The following SCFD2 variants were observed in gnomAD, a reference collection of about 807,000 sequenced individuals.
SCFD2 encodes sec1 family domain containing 2, also known as sec1 family domain-containing protein 2.
Under a neutral mutation model 58.9 loss-of-function variants are expected in SCFD2, and 54 were observed. That is an observed-to-expected ratio of 0.92 (90% CI 0.74 to 1.15). The LOEUF is 1.15. SCFD2 is among the 50% of genes most tolerant of loss of function. The pLI, the probability that SCFD2 is intolerant of heterozygous loss-of-function variation, is 0.00. For synonymous variants in SCFD2, 321 were observed against 335.9 expected (o/e 0.96, Z 0.49); for missense variants, 805 against 836.6 (o/e 0.96, Z 0.47).
Position 53,343,638 on chromosome 4 carries a change from T to C in SCFD2, c.1007+8960A>G, listed in dbSNP as rs999526356. 4.5e-4 allele frequency among the ~76,000 whole-genome samples: 68 copies of C among 152,166 alleles called. 1 individual carries two copies. The highest frequency in any genetic ancestry group is 3.9e-4 in the Admixed American group (6 of 15,274). On this transcript the variant is annotated intron_variant, in intron 2 of 8. Coordinates refer to ENST00000401642, the MANE Select transcript of SCFD2 (RefSeq NM_152540.4). ...ATCATCCTGATATTAAAGCCGGGCA[T>C]AGACACAACCAAAAAAGAGAATTTT... is the stretch of plus-strand genomic sequence containing the variant.
chr4:53,253,937 T>A (rs1319689041), intron 4 of SCFD2, among the ~76,000 whole-genome samples: 2 of 151,740 alleles, frequency 1.3e-5, no homozygotes, highest in Non-Finnish European at 2.9e-5. Context: ...ATCATGTCCT[T>A]TGCAGGAACA....
chr4:52,894,021 C>T (rs914136313), intron 7 of SCFD2, among the ~76,000 whole-genome samples: 2 of 152,276 alleles, frequency 1.3e-5, no homozygotes, highest in South Asian at 4.1e-4. Context: ...CCCCTCACCA[C>T]CAGCAGCTTT....
At chr4:52,947,092 C>T (rs2109522918) in intron 5 of SCFD2, among the ~76,000 whole-genome samples, 1 of 152,252 alleles carries the variant, frequency 6.6e-6, no homozygotes, top group East Asian at 1.9e-4. Context: ...AGGCTTTCTT[C>T]TCCCTAATTA....
At chr4:53,020,689 G>T (rs1203735617) in intron 5 of SCFD2, among the ~76,000 whole-genome samples, 1 of 152,116 alleles carries the variant, frequency 6.6e-6, no homozygotes, top group East Asian at 1.9e-4. Flanking sequence ...AGCCTCCCCT[G>T]CAAATAGGAA....
At chr4:52,907,203 GA>G (rs1471576110) in intron 7 of SCFD2, among the ~76,000 whole-genome samples, 1 of 152,204 alleles carries the variant, frequency 6.6e-6, no homozygotes, top group Non-Finnish European at 1.5e-5. Context: ...GTCCCAGAGA[GA>G]TTGTGTCCTC....
chr4:53,274,448 A>T (rs1373883561), intron 3 of SCFD2, among the ~76,000 whole-genome samples: 2 of 152,204 alleles, frequency 1.3e-5, no homozygotes, highest in Non-Finnish European at 2.9e-5. Context: ...ATTATTTCTC[A>T]TCTAAAACTT....
At chr4:53,291,883 G>C (rs1253272412) in intron 3 of SCFD2, among the ~76,000 whole-genome samples, 1 of 152,038 alleles carries the variant, frequency 6.6e-6, no homozygotes, top group Non-Finnish European at 1.5e-5. Context: ...ATGGGGAAAG[G>C]ATTCATATTT....
chr4:53,247,885 A>AT (rs1392540514), intron 4 of SCFD2, among the ~76,000 whole-genome samples: 1 of 150,744 alleles, frequency 6.6e-6, no homozygotes, highest in Admixed American at 6.6e-5. Context: ...AAAAAAAAAA[A>AT]AAAAAAAATA....
intron 4 of SCFD2, among the ~76,000 whole-genome samples, chr4:53,261,470 A>C (rs758063431): frequency 6.6e-6 from 1 of 152,052 alleles, no homozygotes; most frequent in Non-Finnish European, 1.5e-5. Context: ...TCTTGATTTC[A>C]TTGTTGACCC....
intron 4 of SCFD2, among the ~76,000 whole-genome samples, chr4:53,223,580 T>G (rs1729111977): frequency 1.3e-5 from 2 of 152,236 alleles, no homozygotes; most frequent in African/African-American, 4.8e-5. Flanking sequence ...TTCCCGTCCT[T>G]CCCTAACCGG....
At chr4:53,092,713 A>C (rs1440766484) in intron 5 of SCFD2, among the ~76,000 whole-genome samples, 2 of 152,174 alleles carry the variant, frequency 1.3e-5, no homozygotes, top group Non-Finnish European at 2.9e-5. Flanking sequence ...GCTAACCTCA[A>C]AAGGCCACTT....
intron 4 of SCFD2, among the ~76,000 whole-genome samples, chr4:53,165,275 C>T (rs530280239): frequency 5.3e-5 from 8 of 152,250 alleles, no homozygotes; most frequent in South Asian, 2.1e-4. Context: ...TACGTGTGCA[C>T]GCACTGTCTC....
chr4:53,320,275 T>TA (rs1173560531), intron 2 of SCFD2, among the ~76,000 whole-genome samples: 3 of 152,194 alleles, frequency 2.0e-5, no homozygotes, highest in Admixed American at 1.3e-4. Context: ...AGGCTTGAAC[T>TA]AAAATGCCAA....
intron 5 of SCFD2, among the ~76,000 whole-genome samples, chr4:53,099,637 G>A (rs1724772647): frequency 6.6e-6 from 1 of 152,198 alleles, no homozygotes; most frequent in East Asian, 1.9e-4. Flanking sequence ...GGAAGCAAGA[G>A]AGTCTGAGGA....
chr4:53,330,596 C>A (rs191632926), intron 2 of SCFD2, among the ~76,000 whole-genome samples: 3 of 152,066 alleles, frequency 2.0e-5, no homozygotes, highest in South Asian at 2.1e-4. Context: ...CTGAAGGAAG[C>A]GCTAAACATG....
chr4:53,354,421 C>A (rs1205458760), intron 1 of SCFD2, among the ~76,000 whole-genome samples: 1 of 152,222 alleles, frequency 6.6e-6, no homozygotes, highest in South Asian at 2.1e-4. Context: ...GGCCTGCCAG[C>A]GCCGCAGTGC....
chr4:53,199,280 T>C (rs1340797879), intron 4 of SCFD2, among the ~76,000 whole-genome samples: 1 of 152,140 alleles, frequency 6.6e-6, no homozygotes, highest in Non-Finnish European at 1.5e-5. Context: ...GAAAGCACCC[T>C]GACATACTAC....
rs182716839 is a variant in SCFD2, at chr4:53,106,207, G to A, written c.1561+39126C>T. Among the ~76,000 whole-genome samples, 25 of 152,196 alleles carry A rather than the reference G, an allele frequency of 1.6e-4. 2 individuals are homozygous for A. The highest frequency in any genetic ancestry group is 4.6e-4 in the African/African-American group (19 of 41,554). ...AAAAAGGATGTCCACACAAAAACCC[G>A]ATCTGAAGGTCACCAACATCAAAGA... On this transcript the variant is annotated intron_variant, in intron 5 of 8. Coordinates refer to ENST00000401642, the MANE Select transcript of SCFD2 (RefSeq NM_152540.4).
chr4:53,169,893 A>G (rs1727126969), intron 4 of SCFD2, among the ~76,000 whole-genome samples: 1 of 152,118 alleles, frequency 6.6e-6, no homozygotes, highest in Non-Finnish European at 1.5e-5. Flanking sequence ...GTTTCTTACC[A>G]TTGAGATGTT....
Sources: gnomAD v4.1 joint callset for allele counts (sites outside exome capture counted in the v4.1 genomes callset) on GRCh38, gnomAD v4.1.1 for gene constraint, MANE v1.5 for transcripts, NCBI Gene and HGNC (gene_info 2026-07-23, HGNC 2026-07-21) for gene names.